The following GZMH variants were observed in gnomAD, a reference collection of about 807,000 sequenced individuals.
GZMH encodes granzyme H, also known as cathepsin G-like 2, protein h-CCPX.
In GZMH, 24 loss-of-function variants were observed where a neutral mutation model predicts 20.7. The ratio of observed to expected loss-of-function variants is 1.16; its 90% CI spans 0.84 to 1.63. The LOEUF is 1.63. Among genes scored for constraint, GZMH ranks in the 40% most tolerant of loss-of-function variants. GZMH has a pLI of 0.00. For missense variants in GZMH, 344 were observed against 302.7 expected, an observed-to-expected ratio of 1.14 and a Z score of -1.01; for synonymous variants, 119 against 116.1, an observed-to-expected ratio of 1.02 and a Z score of -0.16.
At chr14:24,607,092 A>G (rs1566561328) in intron 4 of GZMH, 57 bp downstream of exon 4, 1 of 1,552,536 alleles carries the variant, frequency 6.4e-7, no homozygotes, top group South Asian at 1.2e-5. Flanking sequence ...ATACCCCAGA[A>G]CTCCCTCAAG....
In GZMH at chr14:24,608,414, T is replaced by C. The variant is rs1426182187; in HGVS notation, c.56-2A>G. On this transcript the variant is annotated splice_acceptor_variant, in intron 1 of 4. Coordinates refer to ENST00000216338, the MANE Select transcript of GZMH (RefSeq NM_033423.5). LOFTEE classifies it high-confidence loss of function. ...CCTCATGGCCCCCGATGATCTCCTC[T>C]GAAAGGAAAGACTGGAAGATAAAGT... is the stretch of plus-strand genomic sequence containing the variant. 1 of 1,613,942 alleles carries C rather than the reference T, an allele frequency of 6.2e-7. No homozygotes were observed. The highest frequency in any genetic ancestry group is 8.5e-7 in the Non-Finnish European group (1 of 1,179,866).
In GZMH at chr14:24,607,547, G is replaced by A. The variant is rs200781596; in HGVS notation, c.339+65C>T. 183 of 1,606,316 alleles carry A rather than the reference G, an allele frequency of 1.1e-4. 1 individual carries two copies. Among genetic ancestry groups the A allele is most frequent in the South Asian group, 5.4e-4 (49 of 90,568 alleles). On this transcript the variant is annotated intron_variant, in intron 3 of 4. Transcript: ENST00000216338. The stretch of plus-strand genomic sequence containing the variant: ...TCAGGATGGAAAGGAGGAAAGGGCC[G>A]GCATCCCAGTGGGAGTGGAACCAAC...
chr14:24,609,633 A>G lies in GZMH; in HGVS notation c.-20T>C. ...CTGCATTTTCTCAGGAAGGCTGCCCAGGTCAGAGCTGTTGGTGTTGACTCC... is the reference window on the plus strand; with the variant it reads ...CTGCATTTTCTCAGGAAGGCTGCCCGGGTCAGAGCTGTTGGTGTTGACTCC... On this transcript the variant is annotated 5_prime_UTR_variant, in exon 1 of 5. Coordinates refer to ENST00000216338, the MANE Select transcript of GZMH (RefSeq NM_033423.5). 1.2e-6 allele frequency: 2 copies of G among 1,602,872 alleles called. No individual in the cohort carries two copies. The highest frequency in any genetic ancestry group is 1.7e-6 in the Non-Finnish European group (2 of 1,171,888).
chr14:24,608,996 T>C (rs1293558663), intron 1 of GZMH, among the ~76,000 whole-genome samples: 1 of 152,192 alleles, frequency 6.6e-6, no homozygotes, highest in East Asian at 1.9e-4. Context: ...ACCAGGTCAG[T>C]GGAGTAGCTG....
chr14:24,606,509 C>G lies in GZMH; in HGVS notation c.*94G>C. The G allele has an allele frequency of 9.3e-7, 1 of 1,077,090 alleles. No individual in the cohort carries two copies. Among genetic ancestry groups the G allele is most frequent in the South Asian group, 1.5e-5 (1 of 65,996 alleles). 66.7% of individuals were successfully genotyped at this position (1,077,090 alleles called of 1,614,324 possible). On this transcript the variant is annotated 3_prime_UTR_variant, in exon 5 of 5. Transcript: ENST00000216338. Reference sequence around the variant, plus strand: ...ATTTACACCAGAGATCCATTTATTACAGTCCTGCAACCCCGACTGCCCACC... The same window carrying G: ...ATTTACACCAGAGATCCATTTATTAGAGTCCTGCAACCCCGACTGCCCACC...
Position 24,609,562 on chromosome 14 carries a change from TC to T in GZMH, c.51del (p.Thr18GlnfsTer36). On this transcript the variant is annotated frameshift_variant, in exon 1 of 5. Transcript: ENST00000216338. LOFTEE classifies it high-confidence loss of function. ...TGGAATAGGGATAGTCACTTACCTGTCCCAGCCCCAGGGGTCAGAAGAAAGG... is the reference window on the plus strand; with the variant it reads ...TGGAATAGGGATAGTCACTTACCTGTCCAGCCCCAGGGGTCAGAAGAAAGG... ...LLAFLLTPGA[G>X]TEEIIGGHEA... is the part of the protein sequence containing the mutation. 1.9e-6 allele frequency: 3 copies of T among 1,606,546 alleles called. No homozygotes were observed. The highest frequency in any genetic ancestry group is 2.6e-6 in the Non-Finnish European group (3 of 1,175,544).
Position 24,607,378 on chromosome 14 carries a change from G to A in GZMH, c.368C>T (p.Ala123Val). Residue 123 changes from alanine (A) to valine (V), a missense_variant, in exon 4 of 5, where the codon GCT (alanine) becomes GTT (valine). By Grantham distance (64) the Ala-to-Val change is moderately conservative. Coordinates refer to ENST00000216338, the MANE Select transcript of GZMH (RefSeq NM_033423.5). ...GCTAGGTAGCCTGAGAGGCCGCACA[G>A]CTGTGGTCCACTTGGCCTTTCTCTC... ...QLERKAKWTT[A>V]VRPLRLPSSK... The A allele has an allele frequency of 6.2e-7, 1 of 1,603,530 alleles. No homozygotes were observed. The highest frequency in any genetic ancestry group is 8.5e-7 in the Non-Finnish European group (1 of 1,172,308).
chr14:24,607,130 T>C lies in GZMH; in HGVS notation c.597+19A>G. 2 of 1,603,840 alleles carry C rather than the reference T, an allele frequency of 1.2e-6. No individual in the cohort carries two copies. The highest frequency in any genetic ancestry group is 1.7e-6 in the Non-Finnish European group (2 of 1,173,386). On this transcript the variant is annotated intron_variant, in intron 4 of 4. Coordinates refer to ENST00000216338, the MANE Select transcript of GZMH (RefSeq NM_033423.5). ...CCTCTCTCCCTGTGGTCTTTCTGGG[T>C]AGAGGCTGGAAACCCAACCTTGAAA... is the stretch of plus-strand genomic sequence containing the variant.
chr14:24,606,805 A>G, intron 4 of GZMH, 59 bp from the exon 5 acceptor site: 3 of 1,526,618 alleles, frequency 2.0e-6, no homozygotes, highest in South Asian at 2.3e-5. Flanking sequence ...GGTCTCTGTT[A>G]TGGATTTTGT....
Position 24,609,680 on chromosome 14 carries a change from G to A in GZMH, c.-67C>T. 2 of 1,153,594 alleles carry A rather than the reference G, an allele frequency of 1.7e-6. No homozygotes were observed. The highest frequency in any genetic ancestry group is 2.6e-6 in the Non-Finnish European group (2 of 777,928). 71.5% of individuals were successfully genotyped at this position (1,153,594 alleles called of 1,614,324 possible). ...CTCCTTCCAGAAACAAATGCTGGAG[G>A]GAGATGAAGGAGGGATGGGTACAGT... On this transcript the variant is annotated 5_prime_UTR_variant, in exon 1 of 5. Transcript: ENST00000216338.
At chr14:24,607,062 A>C in intron 4 of GZMH, 87 bp downstream of exon 4, 2 of 1,370,344 alleles carry the variant, frequency 1.5e-6, no homozygotes, top group Admixed American at 3.8e-5. Context: ...GGCTGAGAGC[A>C]TAAAGATCTG....
Position 24,609,648 on chromosome 14 carries a change from G to A in GZMH, c.-35C>T, listed in dbSNP as rs746025046. ...AAGGCTGCCCAGGTCAGAGCTGTTGGTGTTGACTCCTTCCAGAAACAAATG... is the reference window on the plus strand; with the variant it reads ...AAGGCTGCCCAGGTCAGAGCTGTTGATGTTGACTCCTTCCAGAAACAAATG... On this transcript the variant is annotated 5_prime_UTR_variant, in exon 1 of 5. Transcript: ENST00000216338. The A allele has an allele frequency of 6.5e-7, 1 of 1,531,124 alleles. No homozygotes were observed. Among genetic ancestry groups the A allele is most frequent in the South Asian group, 1.1e-5 (1 of 87,072 alleles). 94.8% of individuals were successfully genotyped at this position (1,531,124 alleles called of 1,614,324 possible).
chr14:24,609,498 C>A, intron 1 of GZMH, 61 bp downstream of exon 1: 1 of 1,127,838 alleles, frequency 8.9e-7, no homozygotes, highest in Non-Finnish European at 1.3e-6. Context: ...GACCAGTGCT[C>A]ATGGGTACAG....
At chr14:24,606,776 A>T in intron 4 of GZMH, 30 bp from the exon 5 acceptor site, 1 of 1,605,548 alleles carries the variant, frequency 6.2e-7, no homozygotes, top group South Asian at 1.1e-5. Context: ...AGACTGAGCT[A>T]GTGTTCCCTG....
Position 24,606,551 on chromosome 14 carries a change from C to T in GZMH, c.*52G>A. The T allele has an allele frequency of 6.4e-7, 1 of 1,567,904 alleles. No homozygotes were observed. The highest frequency in any genetic ancestry group is 8.6e-7 in the Non-Finnish European group (1 of 1,156,990). On this transcript the variant is annotated 3_prime_UTR_variant, in exon 5 of 5. Coordinates refer to ENST00000216338, the MANE Select transcript of GZMH (RefSeq NM_033423.5). Reference sequence around the variant, plus strand: ...CTGCCCACCCCTTGGGGATTCTTGCCTCTGTCCCAGAGATGGTCAGGCCCA... The same window carrying T: ...CTGCCCACCCCTTGGGGATTCTTGCTTCTGTCCCAGAGATGGTCAGGCCCA...
intron 4 of GZMH, 83 bp from the exon 5 acceptor site, chr14:24,606,829 C>T: frequency 7.7e-7 from 1 of 1,299,204 alleles, no homozygotes; most frequent in Non-Finnish European, 1.1e-6. Flanking sequence ...ACATCAGTGC[C>T]AGGCAGGCCT....
At chr14:24,609,272 A>G (rs2066894521) in intron 1 of GZMH, among the ~76,000 whole-genome samples, 1 of 152,052 alleles carries the variant, frequency 6.6e-6, no homozygotes, top group African/African-American at 2.4e-5. Context: ...AGTAATAATT[A>G]CTTATCTTTT....
rs2066888519 is a variant in GZMH at position 24,608,405 on chromosome 14, G to T, written c.63C>A (p.Ile21=). 6.2e-7 allele frequency: 1 copy of T among 1,613,866 alleles called. No homozygotes were observed. The highest frequency in any genetic ancestry group is 1.3e-5 in the African/African-American group (1 of 74,926). ...GGGGCTTGGCCTCATGGCCCCCGAT[G>T]ATCTCCTCTGAAAGGAAAGACTGGA... ...LLTPGAGTEE[I]IGGHEAKPHS... The change falls in exon 2 of 5, where the codon ATC becomes ATA. Residue 21 remains isoleucine (I), a synonymous_variant. Coordinates refer to ENST00000216338, the MANE Select transcript of GZMH (RefSeq NM_033423.5).
chr14:24,608,202 C>A (rs2066886178), intron 2 of GZMH, 63 bp downstream of exon 2: 30 of 1,582,512 alleles, frequency 1.9e-5, no homozygotes, highest in Non-Finnish European at 2.5e-5. Flanking sequence ...GGCTGCAGTC[C>A]CCAGGAGAAA....
Sources: gnomAD v4.1 joint callset for allele counts (sites outside exome capture counted in the v4.1 genomes callset) on GRCh38, gnomAD v4.1.1 for gene constraint, MANE v1.5 for transcripts, NCBI Gene and HGNC (gene_info 2026-07-23, HGNC 2026-07-21) for gene names.